The following RUFY3 variants were observed in gnomAD, a reference collection of about 807,000 sequenced individuals.
RUFY3 encodes the protein protein RUFY3.
Under a neutral mutation model 84.0 loss-of-function variants are expected in RUFY3, and 34 were observed. The observed-to-expected ratio is 0.40, with a 90% CI of 0.31 to 0.54. RUFY3 has a LOEUF of 0.54. Among genes scored for constraint, RUFY3 ranks in the 20% least tolerant of loss-of-function variants. RUFY3 has a pLI of 0.39. For synonymous variants in RUFY3, 242 were observed against 252.9 expected, an observed-to-expected ratio of 0.96 and a Z score of 0.41; for missense variants, 507 against 736.8, an observed-to-expected ratio of 0.69 and a Z score of 3.61.
intron 8 of RUFY3, among the ~76,000 whole-genome samples, chr4:70,782,409 C>T (rs888658849): frequency 2.6e-5 from 4 of 151,114 alleles, no homozygotes; most frequent in African/African-American, 7.3e-5. Flanking sequence ...CTCAGCCTCC[C>T]GAGTAGCTGG....
intron 1 of RUFY3, among the ~76,000 whole-genome samples, chr4:70,748,210 T>A (rs961949788): frequency 1.3e-5 from 2 of 152,214 alleles, no homozygotes; most frequent in Admixed American, 6.5e-5. Context: ...TCCATTAATA[T>A]CCAAGTCTAG....
chr4:70,709,886 A>C (rs936897022), intron 1 of RUFY3, among the ~76,000 whole-genome samples: 2 of 152,158 alleles, frequency 1.3e-5, no homozygotes, highest in African/African-American at 4.8e-5. Context: ...AAAGTGTCCC[A>C]CTCACCAAGT....
intron 1 of RUFY3, among the ~76,000 whole-genome samples, chr4:70,748,511 C>T (rs1722595875): frequency 6.6e-6 from 1 of 152,118 alleles, no homozygotes; most frequent in African/African-American, 2.4e-5. Flanking sequence ...GTGGTTATTC[C>T]TGGTTTTTGT....
intron 1 of RUFY3, among the ~76,000 whole-genome samples, chr4:70,706,311 G>A (rs1740334714): frequency 6.6e-6 from 1 of 152,134 alleles, no homozygotes; most frequent in South Asian, 2.1e-4. Flanking sequence ...TATTTTTAAA[G>A]CACAAGTACA....
intron 6 of RUFY3, among the ~76,000 whole-genome samples, chr4:70,774,644 A>AAAATATATATATATAT (rs1553916771): frequency 1.8e-5 from 1 of 56,682 alleles, no homozygotes; most frequent in Non-Finnish European, 3.1e-5. Flanking sequence ...AAAAAAAAAA[A>AAAATATATATATATAT]ATATATATAT....
At chr4:70,776,508 CTCACGCCTATAA>C (rs1560535836) in intron 7 of RUFY3, among the ~76,000 whole-genome samples, 1 of 152,238 alleles carries the variant, frequency 6.6e-6, no homozygotes, top group East Asian at 1.9e-4. Flanking sequence ...GGAGCAGTGG[CTCACGCCTATAA>C]TCCCAGCACT....
At chr4:70,785,695 G>A (rs189650661) in intron 10 of RUFY3, among the ~76,000 whole-genome samples, 4,060 of 151,796 alleles carry the variant, frequency 0.027, 76 homozygotes, top group Middle Eastern at 0.054. Flanking sequence ...AAATCAGCCG[G>A]GCATGGTGGC....
At chr4:70,794,269 C>T (rs1278314474) in intron 13 of RUFY3, among the ~76,000 whole-genome samples, 3 of 152,106 alleles carry the variant, frequency 2.0e-5, no homozygotes, top group African/African-American at 7.2e-5. Flanking sequence ...GATATTATTG[C>T]CTCCACTTTC....
At position 70,767,259 on chromosome 4, in the gene RUFY3, ATTTT is replaced by A. The variant is rs779388140; in HGVS notation, c.573-1252_573-1249del. On this transcript the variant is annotated intron_variant, in intron 4 of 17. Transcript: ENST00000381006. ...TGCCACCATGCCCGGCTAATTTTGT[ATTTT>A]TTTTTTTTTTTTTTTTTTTTTTTTT... Among the ~76,000 whole-genome samples, 343 of 49,606 alleles carry A rather than the reference ATTTT, an allele frequency of 6.9e-3. 1 individual carries two copies. The highest frequency in any genetic ancestry group is 0.011 in the African/African-American group (149 of 14,024). 32.5% of individuals were successfully genotyped at this position (49,606 alleles called of 152,430 possible). A position where few individuals can be genotyped will look rare whatever the true frequency, so the allele number is the denominator to read the frequency against.
At chr4:70,731,857 G>A (rs750023614) in intron 1 of RUFY3, among the ~76,000 whole-genome samples, 81 of 152,270 alleles carry the variant, frequency 5.3e-4, no homozygotes, top group South Asian at 2.7e-3. Context: ...ATGAGCCACC[G>A]CACTTAGCCT....
chr4:70,794,614 C>G (rs1026627388), intron 13 of RUFY3, 181 bp from the exon 14 acceptor site: 8 of 602,800 alleles, frequency 1.3e-5, no homozygotes, highest in African/African-American at 1.1e-4. Context: ...TTAAATGTGT[C>G]CAGATTCACA....
At position 70,748,157 on chromosome 4, in the gene RUFY3, C is replaced by T. The variant is rs145219708; in HGVS notation, c.179-14362C>T. 2.0e-3 allele frequency among the ~76,000 whole-genome samples: 303 copies of T among 152,272 alleles called. 1 individual carries two copies. The highest frequency in any genetic ancestry group is 3.3e-3 in the Non-Finnish European group (227 of 68,028). On this transcript the variant is annotated intron_variant, in intron 1 of 17. Transcript: ENST00000381006. ...TCATCTCCAAACAAAATTTTAGGCA[C>T]GCTGATTCTCTGCTCAAAACTACAG...
intron 5 of RUFY3, among the ~76,000 whole-genome samples, chr4:70,771,587 C>T (rs546901441): frequency 6.6e-6 from 1 of 152,020 alleles, no homozygotes; most frequent in Admixed American, 6.6e-5. Context: ...GCCGGAGTGC[C>T]GTGGAGTGAA....
chr4:70,788,716 A>C, intron 10 of RUFY3, 90 bp from the exon 11 acceptor site: 1 of 1,438,186 alleles, frequency 7.0e-7, no homozygotes, highest in South Asian at 1.5e-5. Flanking sequence ...CAGACCTGAG[A>C]GTTTTGGTGT....
intron 1 of RUFY3, among the ~76,000 whole-genome samples, chr4:70,708,924 G>C (rs1740661354): frequency 6.6e-6 from 1 of 152,156 alleles, no homozygotes. Context: ...TGGGTATGGT[G>C]GCACATGCCT....
chr4:70,795,837 CAAAA>C (rs1578248748), intron 14 of RUFY3, among the ~76,000 whole-genome samples: 1 of 151,970 alleles, frequency 6.6e-6, no homozygotes, highest in Admixed American at 6.6e-5. Context: ...GATTAGGAAA[CAAAA>C]AGAAATCAGA....
chr4:70,804,497 C>G, intron 17 of RUFY3, 81 bp downstream of exon 17: 1 of 1,225,614 alleles, frequency 8.2e-7, no homozygotes, highest in Non-Finnish European at 1.2e-6. Flanking sequence ...GTAACAGGGA[C>G]TTTCCCGCAT....
chr4:70,749,813 C>G (rs1296327642), intron 1 of RUFY3, among the ~76,000 whole-genome samples: 6 of 151,966 alleles, frequency 3.9e-5, no homozygotes, highest in African/African-American at 4.8e-5. Flanking sequence ...CCACACCCAG[C>G]TAATTTTTTG....
intron 6 of RUFY3, among the ~76,000 whole-genome samples, chr4:70,774,312 A>G (rs1174589373): frequency 1.3e-5 from 2 of 151,822 alleles, no homozygotes; most frequent in African/African-American, 4.8e-5. Flanking sequence ...TTTTTCATGT[A>G]ATAATAAACA....
Sources: allele counts gnomAD v4.1 joint callset (sites outside exome capture counted in the v4.1 genomes callset), GRCh38; gene constraint gnomAD v4.1.1; transcripts MANE v1.5; gene names NCBI Gene and HGNC (gene_info 2026-07-23, HGNC 2026-07-21).